DLG2: variants seen among roughly 807,000 people sequenced by gnomAD.
DLG2 encodes the protein disks large homolog 2.
A neutral mutation model predicts 132.5 loss-of-function variants in DLG2; 45 were observed. The ratio of observed to expected loss-of-function variants is 0.34; its 90% confidence interval spans 0.27 to 0.44. The LOEUF (loss-of-function observed/expected upper bound fraction) is 0.44. DLG2 is among the 20% of genes least tolerant of loss of function. DLG2 has a pLI of 1.00. For missense variants in DLG2, 1,045 were observed against 1,196.9 expected, an observed-to-expected ratio of 0.87 and a Z score of 1.87; for synonymous variants, 424 against 419.6, an observed-to-expected ratio of 1.01 and a Z score of -0.13.
chr11:83,568,218 G>A (rs886151037), intron 19 of DLG2, among the ~76,000 whole-genome samples: 3 of 152,126 alleles, frequency 2.0e-5, no homozygotes, highest in African/African-American at 4.8e-5. Context: ...TAAGGAGGCA[G>A]AGTCAACAGA....
At chr11:83,880,056 T>G (rs2065777722) in intron 15 of DLG2, among the ~76,000 whole-genome samples, 1 of 152,080 alleles carries the variant, frequency 6.6e-6, no homozygotes, top group Non-Finnish European at 1.5e-5. Flanking sequence ...CTCTGGAAAC[T>G]TGAGTGTCTT....
chr11:83,773,804 G>C (rs535647543), intron 18 of DLG2, among the ~76,000 whole-genome samples: 1 of 152,298 alleles, frequency 6.6e-6, no homozygotes, highest in African/African-American at 2.4e-5. Flanking sequence ...TGCTCCTCTA[G>C]GCACTTCGGA....
intron 11 of DLG2, among the ~76,000 whole-genome samples, chr11:84,013,757 C>T (rs549075527): frequency 6.7e-6 from 1 of 149,242 alleles, no homozygotes; most frequent in South Asian, 2.2e-4. Context: ...ATTCCAGCTA[C>T]TTGGGAGGCT....
At chr11:84,976,291 G>A (rs1237555538) in intron 6 of DLG2, among the ~76,000 whole-genome samples, 14 of 152,146 alleles carry the variant, frequency 9.2e-5, no homozygotes, top group Non-Finnish European at 2.9e-5. Flanking sequence ...CAAAGAGATA[G>A]TAAAGTTATT....
At chr11:85,263,576 A>G (rs900046330) in intron 4 of DLG2, among the ~76,000 whole-genome samples, 1 of 152,358 alleles carries the variant, frequency 6.6e-6, no homozygotes, top group African/African-American at 2.4e-5. Flanking sequence ...AGTTGCCATC[A>G]GTTGCCAGAG....
intron 9 of DLG2, among the ~76,000 whole-genome samples, chr11:84,120,481 G>C (rs2093856690): frequency 6.6e-6 from 1 of 152,180 alleles, no homozygotes; most frequent in South Asian, 2.1e-4. Flanking sequence ...CTCTGAGAAA[G>C]GTTGTAGCAG....
chr11:83,815,449 G>A (rs1431119974), intron 17 of DLG2, among the ~76,000 whole-genome samples: 5 of 152,140 alleles, frequency 3.3e-5, no homozygotes, highest in African/African-American at 4.8e-5. Flanking sequence ...TTACCATCAC[G>A]TAACCAGAGG....
intron 5 of DLG2, among the ~76,000 whole-genome samples, chr11:85,118,460 T>A (rs2073929477): frequency 6.6e-6 from 1 of 152,080 alleles, no homozygotes; most frequent in Non-Finnish European, 1.5e-5. Context: ...AGCACCTAGC[T>A]ACCCAGATTA....
intron 14 of DLG2, among the ~76,000 whole-genome samples, chr11:83,960,951 A>G (rs2088549093): frequency 6.6e-6 from 1 of 152,014 alleles, no homozygotes; most frequent in African/African-American, 2.4e-5. Context: ...GGGAAATACT[A>G]GTGAGACTGT....
chr11:84,960,558 C>T (rs976046246), intron 6 of DLG2, among the ~76,000 whole-genome samples: 4 of 151,888 alleles, frequency 2.6e-5, no homozygotes, highest in African/African-American at 9.7e-5. Context: ...GCCTCAGCCT[C>T]CCGAGTAGCT....
upstream of DLG2, chr11:85,627,812 A>C (rs1651840789): frequency 6.6e-6 from 1 of 152,434 alleles, no homozygotes; most frequent in African/African-American, 2.4e-5. Flanking sequence ...GTGTTTCCTC[A>C]GGCAGGAGCA....
intron 3 of DLG2, among the ~76,000 whole-genome samples, chr11:85,383,989 T>A (rs918211122): frequency 6.6e-6 from 1 of 152,202 alleles, no homozygotes; most frequent in African/African-American, 2.4e-5. Flanking sequence ...TTGCTTTTTC[T>A]GATTCTCCTT....
At chr11:84,480,906 T>C (rs377692703) in intron 7 of DLG2, among the ~76,000 whole-genome samples, 1 of 151,970 alleles carries the variant, frequency 6.6e-6, no homozygotes, top group Non-Finnish European at 1.5e-5. Flanking sequence ...GCCTGGTTGA[T>C]TTTTGTATTT....
chr11:84,635,462 T>C (rs1367290940), intron 6 of DLG2, among the ~76,000 whole-genome samples: 1 of 152,196 alleles, frequency 6.6e-6, no homozygotes, highest in Non-Finnish European at 1.5e-5. Context: ...ATTTAGAACT[T>C]TGAGCATCTT....
chr11:83,586,091 G>C (rs374682182), intron 19 of DLG2, among the ~76,000 whole-genome samples: 1 of 152,198 alleles, frequency 6.6e-6, no homozygotes, highest in Non-Finnish European at 1.5e-5. Flanking sequence ...CTGAGCATTA[G>C]GTAGAAGAAC....
chr11:85,086,219 A>T (rs750417432), intron 6 of DLG2, among the ~76,000 whole-genome samples: 4 of 152,302 alleles, frequency 2.6e-5, no homozygotes, highest in Non-Finnish European at 5.9e-5. Context: ...GAAGCCATCC[A>T]TCATAATCAA....
rs2095284773 is a variant in DLG2 at position 84,151,273 on chromosome 11, A to G, written c.624+12188T>C. 2.0e-5 allele frequency among the ~76,000 whole-genome samples: 3 copies of G among 151,696 alleles called. 1 individual carries two copies. In the Middle Eastern group the frequency reaches 0.01, roughly 516 times the overall value. On this transcript the variant is annotated intron_variant, in intron 9 of 27. Transcript: ENST00000376104. The stretch of plus-strand genomic sequence containing the variant: ...AGGGTTTCAAATTCTTCTTGGTTCA[A>G]TCTTAGGAGGTTGTATGTTTCCAGA...
At chr11:84,666,078 T>C (rs1210802781) in intron 6 of DLG2, among the ~76,000 whole-genome samples, 2 of 152,152 alleles carry the variant, frequency 1.3e-5, no homozygotes, top group Admixed American at 1.3e-4. Flanking sequence ...GGTCTCCAAA[T>C]CCATTTCTTC....
At chr11:84,774,627 A>C (rs960853350) in intron 6 of DLG2, among the ~76,000 whole-genome samples, 3 of 152,146 alleles carry the variant, frequency 2.0e-5, no homozygotes, top group Non-Finnish European at 2.9e-5. Flanking sequence ...CCGAGAACGC[A>C]GAAATAAAGC....
Sources: allele counts gnomAD v4.1 joint callset (sites outside exome capture counted in the v4.1 genomes callset), GRCh38; gene constraint gnomAD v4.1.1; transcripts MANE v1.5; gene names NCBI Gene and HGNC (gene_info 2026-07-23, HGNC 2026-07-21).